The following ACTN2 variants were observed in gnomAD, a reference collection of about 807,000 sequenced individuals.
The protein encoded by ACTN2 is alpha-actinin-2.
ACTN2 carries 39 observed loss-of-function variants against 113.8 expected under a neutral mutation model. That is an observed-to-expected ratio of 0.34 (90% CI 0.27 to 0.45). ACTN2 has a LOEUF of 0.45. Among genes scored for constraint, ACTN2 ranks in the 20% least tolerant of loss-of-function variants. The pLI is 1.00. For synonymous variants in ACTN2, 429 were observed against 444.1 expected (o/e 0.97, Z 0.43); for missense variants, 992 against 1,177.9 (o/e 0.84, Z 2.31).
At chr1:236,759,622 A>T (rs1659648089) in intron 18 of ACTN2, 102 bp from the exon 19 acceptor site, 1 of 960,496 alleles carries the variant, frequency 1.0e-6, no homozygotes, top group African/African-American at 1.6e-5. Context: ...ACCTTGGCAG[A>T]GCTCAAAGTG....
chr1:236,757,227 G>A (rs1022736702), intron 17 of ACTN2, among the ~76,000 whole-genome samples: 2 of 144,870 alleles, frequency 1.4e-5, no homozygotes, highest in East Asian at 2.0e-4. Context: ...CGCTGCCACC[G>A]TTAGAACCCT....
Position 236,754,080 on chromosome 1 carries a change from A to G in ACTN2, c.1973A>G (p.Glu658Gly). 1.2e-6 allele frequency: 2 copies of G among 1,613,862 alleles called. No homozygotes were observed. The highest frequency in any genetic ancestry group is 1.7e-6 in the Non-Finnish European group (2 of 1,180,032). ...AIGPWIQNKM[E>G]EIARSSIQIT... is the part of the protein sequence containing the mutation. ...GGGCCCTGGATCCAGAACAAGATGG[A>G]GGTAAGCCAGCGCCCTCCCAGGCGC... The change falls in exon 16 of 21, where the codon GAG (glutamate) becomes GGG (glycine). Residue 658 changes from glutamate (E) to glycine (G), a missense_variant and splice_region_variant. Glu to Gly is a moderately conservative substitution (Grantham distance 98, BLOSUM62 -2). Transcript: ENST00000366578. This position sits in a 1 kb window ranked among gnomAD's most constrained non-coding sequence, Gnocchi z 4.9.
chr1:236,735,326 C>T (rs1658835320), intron 7 of ACTN2, among the ~76,000 whole-genome samples: 1 of 152,186 alleles, frequency 6.6e-6, no homozygotes, highest in Non-Finnish European at 1.5e-5. Context: ...AAGCTCTGAT[C>T]TGCAACAGAC....
chr1:236,763,058 T>C lies in ACTN2; in HGVS notation c.*439T>C, dbSNP rs532427877. The C allele has an allele frequency of 5.3e-5, 16 of 301,780 alleles. No individual in the cohort carries two copies. The highest frequency in any genetic ancestry group is 8.4e-5 in the Non-Finnish European group (13 of 155,542). 18.7% of individuals were successfully genotyped at this position (301,780 alleles called of 1,614,324 possible). A position where few individuals can be genotyped will look rare whatever the true frequency, so the allele number is the denominator to read the frequency against. On this transcript the variant is annotated 3_prime_UTR_variant, in exon 21 of 21. Coordinates refer to ENST00000366578, the MANE Select transcript of ACTN2 (RefSeq NM_001103.4). Reference sequence around the variant, plus strand: ...ATTTCATTTATCTCTAATATGCTTATGTGATTGCCCCTAGGGGAGTATATT... The same window carrying C: ...ATTTCATTTATCTCTAATATGCTTACGTGATTGCCCCTAGGGGAGTATATT...
At chr1:236,727,578 A>G in intron 5 of ACTN2, 100 bp from the exon 6 acceptor site, 1 of 1,251,704 alleles carries the variant, frequency 8.0e-7, no homozygotes, top group Non-Finnish European at 1.2e-6. Flanking sequence ...CCGTGCATGA[A>G]GTCAGACAGA....
intron 11 of ACTN2, among the ~76,000 whole-genome samples, 167 bp downstream of exon 11, chr1:236,743,210 G>T (rs1325651530): frequency 6.6e-6 from 1 of 152,152 alleles, no homozygotes; most frequent in Non-Finnish European, 1.5e-5. Flanking sequence ...TAAGAGGTAG[G>T]CATGAAAATT....
At position 236,689,012 on chromosome 1, in the gene ACTN2, A is replaced by G. The variant is rs144697443; in HGVS notation, c.126+2213A>G. ...TACAGTTCAGAGAGTCTCATGGGCT[A>G]TGGTAATCCTTGCTCTGTGGTGTGG... On this transcript the variant is annotated intron_variant, in intron 1 of 20. Coordinates refer to ENST00000366578, the MANE Select transcript of ACTN2 (RefSeq NM_001103.4). Among the ~76,000 whole-genome samples the G allele has an allele frequency of 4.2e-3, 646 of 152,260 alleles. 5 individuals carry two copies. The highest frequency in any genetic ancestry group is 0.015 in the African/African-American group (614 of 41,534).
At chr1:236,723,065 T>G (rs1315588116) in intron 4 of ACTN2, among the ~76,000 whole-genome samples, 1 of 152,224 alleles carries the variant, frequency 6.6e-6, no homozygotes, top group Non-Finnish European at 1.5e-5. Flanking sequence ...ACTCCGTGAC[T>G]TGTAAATCTA....
At chr1:236,712,818 A>G (rs996321035) in intron 1 of ACTN2, among the ~76,000 whole-genome samples, 55 of 152,190 alleles carry the variant, frequency 3.6e-4, no homozygotes, top group African/African-American at 1.3e-3. Context: ...CAGACAAAGT[A>G]TGATGACTTT....
At chr1:236,734,320 T>C in intron 7 of ACTN2, 2 of 668,428 alleles carry the variant, frequency 3.0e-6, no homozygotes, top group Non-Finnish European at 2.5e-6. Context: ...GGAACATAAG[T>C]GTATGGGGGC....
intron 6 of ACTN2, among the ~76,000 whole-genome samples, chr1:236,730,649 C>T (rs953173087): frequency 3.9e-5 from 6 of 151,950 alleles, no homozygotes; most frequent in African/African-American, 1.2e-4. Context: ...CTAGTTTTTA[C>T]GGTGGAAGGT....
chr1:236,713,576 G>GA (rs879889748), intron 1 of ACTN2, among the ~76,000 whole-genome samples: 2 of 151,794 alleles, frequency 1.3e-5, no homozygotes, highest in Non-Finnish European at 2.9e-5. Context: ...GGACCAAAGG[G>GA]AAAAAAAAGA....
rs1454776234 is a variant in ACTN2 at position 236,754,765 on chromosome 1, C to T, written c.1975-254C>T. Among the ~76,000 whole-genome samples the T allele has an allele frequency of 6.6e-6, 1 of 152,214 alleles. No individual in the cohort carries two copies. Among genetic ancestry groups the T allele is most frequent in the Non-Finnish European group, 1.5e-5 (1 of 68,046 alleles). On this transcript the variant is annotated intron_variant, in intron 16 of 20. Transcript: ENST00000366578. The surrounding 1 kb of genome is among the most constrained non-coding windows in gnomAD (Gnocchi z 4.9). ...GAAGCTGAAGGACTTATCTCTGACC[C>T]CTCTTGCCTCTCTGTTTTGGATCTT...
rs1440157025 is a variant in ACTN2, at chr1:236,709,251, T to TACAC, written c.127-8606_127-8605insCACA. ...ATATATATATATATATATATATATA[T>TACAC]ATATACACACACACACACACATATA... On this transcript the variant is annotated intron_variant, in intron 1 of 20. Coordinates refer to ENST00000366578, the MANE Select transcript of ACTN2 (RefSeq NM_001103.4). 5.7e-3 allele frequency among the ~76,000 whole-genome samples: 339 copies of TACAC among 59,710 alleles called. 1 individual carries two copies. The highest frequency in any genetic ancestry group is 0.022 in the South Asian group (46 of 2,074). 39.2% of individuals were successfully genotyped at this position (59,710 alleles called of 152,430 possible). A position where few individuals can be genotyped will look rare whatever the true frequency, so the allele number is the denominator to read the frequency against.
At position 236,735,737 on chromosome 1, in the gene ACTN2, C is replaced by T. The variant is rs780669106; in HGVS notation, c.783+17C>T. The T allele has an allele frequency of 4.6e-5, 74 of 1,609,486 alleles. No individual in the cohort carries two copies. The highest frequency in any genetic ancestry group is 3.3e-4 in the Middle Eastern group (2 of 6,078). On this transcript the variant is annotated intron_variant, in intron 8 of 20. Coordinates refer to ENST00000366578, the MANE Select transcript of ACTN2 (RefSeq NM_001103.4). ...GCGGAGCAGGTACTCAACACTTGTC[C>T]GTCCGGGCTGTTGTGTTACTCTCTG...
At chr1:236,686,940 CG>C (rs2102851686) in intron 1 of ACTN2, 141 bp downstream of exon 1, 10 of 994,682 alleles carry the variant, frequency 1.0e-5, no homozygotes, top group Non-Finnish European at 1.2e-5. Flanking sequence ...CTCGCAGCCC[CG>C]GGGGCCCCTT....
intron 7 of ACTN2, 73 bp from the exon 8 acceptor site, chr1:236,735,562 G>C: frequency 1.5e-6 from 2 of 1,345,836 alleles, no homozygotes; most frequent in Non-Finnish European, 2.1e-6. Context: ...GTTCTCCCTG[G>C]TTTCTCTCCT....
In ACTN2 at chr1:236,689,195, AAG is replaced by A. The variant is rs1665980429; in HGVS notation, c.126+2399_126+2400del. ...GTGTTAGGAAGAGTGTGTTACACAG[AAG>A]AGTGTGTTAATAGGGTTAGGAATAT... is the stretch of plus-strand genomic sequence containing the variant. On this transcript the variant is annotated intron_variant, in intron 1 of 20. Coordinates refer to ENST00000366578, the MANE Select transcript of ACTN2 (RefSeq NM_001103.4). Among the ~76,000 whole-genome samples the A allele has an allele frequency of 1.3e-5, 2 of 151,916 alleles. 1 individual carries two copies. The highest frequency in any genetic ancestry group is 4.1e-4 in the South Asian group (2 of 4,822).
chr1:236,758,352 C>G (rs1363996298), intron 18 of ACTN2, among the ~76,000 whole-genome samples: 1 of 149,860 alleles, frequency 6.7e-6, no homozygotes. Context: ...GTGGCATGAT[C>G]TCGGCTCACT....
Sources: allele counts gnomAD v4.1 joint callset (sites outside exome capture counted in the v4.1 genomes callset), GRCh38; gene constraint gnomAD v4.1.1; non-coding constraint Gnocchi (gnomAD v3.1); transcripts MANE v1.5; gene names NCBI Gene and HGNC (gene_info 2026-07-23, HGNC 2026-07-21).